The following SPIDR variants were observed in gnomAD, a reference collection of about 807,000 sequenced individuals.
SPIDR encodes DNA repair-scaffolding protein.
In SPIDR, 93 loss-of-function variants were observed where a neutral mutation model predicts 104.6. The ratio of observed to expected loss-of-function variants is 0.89; its 90% CI spans 0.75 to 1.06. SPIDR has a LOEUF of 1.06. Ranked by LOEUF, SPIDR falls within the 50% of genes least tolerant of loss-of-function variation. SPIDR has a pLI of 0.00. For synonymous variants in SPIDR, 431 were observed against 416.9 expected (o/e 1.03, Z -0.41); for missense variants, 1,154 against 1,111.2 (o/e 1.04, Z -0.55).
chr8:47,589,277 T>C (rs1261645025), intron 8 of SPIDR, among the ~76,000 whole-genome samples: 1 of 151,976 alleles, frequency 6.6e-6, no homozygotes, highest in African/African-American at 2.4e-5. Flanking sequence ...TCCCAGCACT[T>C]TGGGAGGCCG....
intron 8 of SPIDR, chr8:47,528,218 G>A (rs1350391315): frequency 6.6e-6 from 1 of 152,162 alleles, no homozygotes; most frequent in East Asian, 1.9e-4. Context: ...AAAAAGAAGT[G>A]AGAAAGGAAT....
chr8:47,707,068 C>T (rs932267535), intron 14 of SPIDR, among the ~76,000 whole-genome samples: 9 of 151,900 alleles, frequency 5.9e-5, no homozygotes, highest in African/African-American at 2.2e-4. Context: ...GCCTGTCAAA[C>T]GTGGTAAAAC....
At chr8:47,421,166 G>C (rs1369775538) in intron 7 of SPIDR, among the ~76,000 whole-genome samples, 1 of 152,204 alleles carries the variant, frequency 6.6e-6, no homozygotes, top group Non-Finnish European at 1.5e-5. Context: ...TGCCTTGCTA[G>C]ATTGGGGAAG....
chr8:47,462,210 C>T (rs2074056415), intron 8 of SPIDR, among the ~76,000 whole-genome samples: 1 of 152,158 alleles, frequency 6.6e-6, no homozygotes, highest in East Asian at 1.9e-4. Flanking sequence ...TTCAGCAGGG[C>T]TGCCAAGCCC....
chr8:47,697,520 G>A lies in SPIDR; in HGVS notation c.1686-2883G>A, dbSNP rs114492453. Among the ~76,000 whole-genome samples, 637 of 152,230 alleles carry A rather than the reference G, an allele frequency of 4.2e-3. 5 individuals are homozygous for A. Among genetic ancestry groups the A allele is most frequent in the African/African-American group, 0.014 (601 of 41,528 alleles). On this transcript the variant is annotated intron_variant, in intron 11 of 19. Transcript: ENST00000297423. ...CTGAAAGTCTTTCAGCTTCCTGAGC[G>A]TGACTTTAGGAAAGCACGCGTGGGC...
intron 1 of SPIDR, among the ~76,000 whole-genome samples, chr8:47,278,720 G>T (rs2037104197): frequency 6.6e-6 from 1 of 151,924 alleles, no homozygotes; most frequent in African/African-American, 2.4e-5. Flanking sequence ...CGATTGTCCT[G>T]CCCCAGCTTC....
chr8:47,440,266 C>A, intron 7 of SPIDR, 57 bp from the exon 8 acceptor site: 1 of 1,482,932 alleles, frequency 6.7e-7, no homozygotes, highest in Non-Finnish European at 9.4e-7. Flanking sequence ...TTTATTCACG[C>A]TTGAACCATC....
chr8:47,327,894 C>T (rs1215355701), intron 5 of SPIDR, among the ~76,000 whole-genome samples: 3 of 151,774 alleles, frequency 2.0e-5, no homozygotes, highest in Non-Finnish European at 2.9e-5. Flanking sequence ...GATAGGGTTT[C>T]GCCATGTTGC....
chr8:47,369,269 A>T (rs574980189), intron 5 of SPIDR, among the ~76,000 whole-genome samples: 27 of 152,344 alleles, frequency 1.8e-4, no homozygotes, highest in African/African-American at 6.5e-4. Flanking sequence ...AGCTTCTAAC[A>T]ACAAAGGTTA....
intron 8 of SPIDR, among the ~76,000 whole-genome samples, chr8:47,594,480 T>A (rs2061427490): frequency 6.6e-6 from 1 of 152,296 alleles, no homozygotes; most frequent in South Asian, 2.1e-4. Context: ...AGGTCTTCAC[T>A]TGGCCTGTGC....
At chr8:47,567,180 A>C (rs2154403916) in intron 8 of SPIDR, among the ~76,000 whole-genome samples, 1 of 151,862 alleles carries the variant, frequency 6.6e-6, no homozygotes, top group Admixed American at 6.6e-5. Context: ...GAGAGCAGGA[A>C]ATGGGGATTA....
chr8:47,445,407 T>C (rs2070376557), intron 8 of SPIDR, among the ~76,000 whole-genome samples: 2 of 152,238 alleles, frequency 1.3e-5, no homozygotes, highest in Admixed American at 1.3e-4. Flanking sequence ...ATACTGTGTG[T>C]GCTCTAACTG....
chr8:47,368,609 G>A (rs180736833), intron 5 of SPIDR, among the ~76,000 whole-genome samples: 76 of 152,156 alleles, frequency 5.0e-4, no homozygotes, highest in Non-Finnish European at 8.5e-4. Flanking sequence ...TCTTTTCTGC[G>A]CAGAAGTGGT....
intron 8 of SPIDR, among the ~76,000 whole-genome samples, chr8:47,539,593 T>G (rs2087695885): frequency 6.6e-6 from 1 of 152,220 alleles, no homozygotes; most frequent in East Asian, 1.9e-4. Context: ...GGCCATGTCC[T>G]TTGGCCACTT....
intron 1 of SPIDR, among the ~76,000 whole-genome samples, chr8:47,273,686 C>T (rs2035794474): frequency 6.6e-6 from 1 of 151,900 alleles, no homozygotes; most frequent in Non-Finnish European, 1.5e-5. Flanking sequence ...TTTGACCTCC[C>T]AGGCTCAGGT....
chr8:47,468,937 A>G (rs893113343), intron 8 of SPIDR, among the ~76,000 whole-genome samples: 1 of 152,224 alleles, frequency 6.6e-6, no homozygotes. Context: ...TTTGCAGACT[A>G]CACATCTGAC....
chr8:47,348,823 G>A (rs964935269), intron 5 of SPIDR, among the ~76,000 whole-genome samples: 3 of 152,110 alleles, frequency 2.0e-5, no homozygotes, highest in Non-Finnish European at 4.4e-5. Context: ...TCTTCTCTGC[G>A]CTATTTATCC....
intron 5 of SPIDR, among the ~76,000 whole-genome samples, chr8:47,326,660 C>A (rs77792023): frequency 0.036 from 5,504 of 152,300 alleles, 313 homozygotes; most frequent in African/African-American, 0.13. Flanking sequence ...TGCTTTCTGT[C>A]TCTGTAGTTT....
chr8:47,693,769 C>G (rs2078987799), intron 11 of SPIDR, among the ~76,000 whole-genome samples: 1 of 152,242 alleles, frequency 6.6e-6, no homozygotes. Flanking sequence ...GGGGTGACCT[C>G]TGTGCCTCTT....
Sources: allele counts gnomAD v4.1 joint callset (sites outside exome capture counted in the v4.1 genomes callset), GRCh38; gene constraint gnomAD v4.1.1; transcripts MANE v1.5; gene names NCBI Gene and HGNC (gene_info 2026-07-23, HGNC 2026-07-21).